NRCAM: variants seen among roughly 807,000 people sequenced by gnomAD.
NRCAM encodes NgCAM-related cell adhesion molecule.
Under a neutral mutation model 156.5 loss-of-function variants are expected in NRCAM, and 83 were observed. The ratio of observed to expected loss-of-function variants is 0.53; its 90% confidence interval spans 0.44 to 0.64. The LOEUF is 0.64. NRCAM is among the 30% of genes least tolerant of loss of function. The pLI is 0.00. For synonymous variants in NRCAM, 538 were observed against 563.9 expected, an observed-to-expected ratio of 0.95 and a Z score of 0.65; for missense variants, 1,417 against 1,597.3, an observed-to-expected ratio of 0.89 and a Z score of 1.92.
chr7:108,342,501 A>G (rs1563345675), intron 2 of NRCAM, among the ~76,000 whole-genome samples: 1 of 152,190 alleles, frequency 6.6e-6, no homozygotes, highest in Non-Finnish European at 1.5e-5. Context: ...AAACTCAGAA[A>G]GCCAATACCC....
chr7:108,375,706 G>T (rs1023885841), intron 2 of NRCAM, among the ~76,000 whole-genome samples: 3 of 152,084 alleles, frequency 2.0e-5, no homozygotes, highest in Admixed American at 6.6e-5. Flanking sequence ...GCAAGTATAC[G>T]GAAATTAGTT....
chr7:108,214,193 C>T (rs1051808747), intron 11 of NRCAM, among the ~76,000 whole-genome samples: 1 of 152,178 alleles, frequency 6.6e-6, no homozygotes, highest in Non-Finnish European at 1.5e-5. Flanking sequence ...TTTTGTACCT[C>T]TGGTAGAATT....
chr7:108,385,515 C>T (rs541987481), intron 2 of NRCAM, among the ~76,000 whole-genome samples: 5 of 152,320 alleles, frequency 3.3e-5, no homozygotes, highest in South Asian at 2.1e-4. Context: ...AAGGCTGACG[C>T]TGAGCAAAAT....
intron 22 of NRCAM, among the ~76,000 whole-genome samples, chr7:108,183,389 T>C (rs941067404): frequency 1.8e-5 from 2 of 111,484 alleles, no homozygotes; most frequent in Admixed American, 1.1e-4. Context: ...TATGTATACA[T>C]GTCTAAGTAT....
chr7:108,236,527 T>C (rs1222601472), intron 5 of NRCAM, among the ~76,000 whole-genome samples: 2 of 152,120 alleles, frequency 1.3e-5, no homozygotes, highest in Non-Finnish European at 2.9e-5. Flanking sequence ...AGCTGTGAGA[T>C]TTCAAGCCAA....
At chr7:108,299,534 T>C (rs1011601636) in intron 3 of NRCAM, among the ~76,000 whole-genome samples, 2 of 152,110 alleles carry the variant, frequency 1.3e-5, no homozygotes, top group Admixed American at 6.5e-5. Flanking sequence ...TATTATATTG[T>C]TTGGTCTGGA....
chr7:108,419,678 C>T (rs1404102421), intron 1 of NRCAM, among the ~76,000 whole-genome samples: 1 of 152,208 alleles, frequency 6.6e-6, no homozygotes, highest in Non-Finnish European at 1.5e-5. Flanking sequence ...TACATGTCTC[C>T]ACTTTCGTGT....
intron 1 of NRCAM, among the ~76,000 whole-genome samples, chr7:108,444,923 C>G (rs1563840434): frequency 6.6e-6 from 1 of 152,192 alleles, no homozygotes; most frequent in Non-Finnish European, 1.5e-5. Flanking sequence ...TAATCTCCAT[C>G]TCTTCACTGA....
chr7:108,391,401 C>CT (rs1554596120), intron 2 of NRCAM, among the ~76,000 whole-genome samples: 16 of 151,480 alleles, frequency 1.1e-4, no homozygotes, highest in South Asian at 1.0e-3. Context: ...GCAACCCCTG[C>CT]TTTTTTTTTG....
At chr7:108,204,948 T>C (rs1323434589) in intron 13 of NRCAM, among the ~76,000 whole-genome samples, 1 of 152,138 alleles carries the variant, frequency 6.6e-6, no homozygotes, top group Admixed American at 6.5e-5. Flanking sequence ...CCCACAAAAA[T>C]GTAATTTAAA....
chr7:108,262,282 C>G (rs2096915340), intron 3 of NRCAM, among the ~76,000 whole-genome samples: 1 of 152,106 alleles, frequency 6.6e-6, no homozygotes, highest in South Asian at 2.1e-4. Flanking sequence ...ATGCACCCAC[C>G]ACCTCCCCGA....
At chr7:108,401,630 G>A (rs548224223) in intron 1 of NRCAM, among the ~76,000 whole-genome samples, 6 of 152,044 alleles carry the variant, frequency 3.9e-5, no homozygotes, top group African/African-American at 7.2e-5. Context: ...AAGTGCTTTC[G>A]TTCTCACAAG....
At chr7:108,412,489 T>C (rs1029783111) in intron 1 of NRCAM, among the ~76,000 whole-genome samples, 8 of 152,316 alleles carry the variant, frequency 5.3e-5, no homozygotes, top group African/African-American at 1.4e-4. Flanking sequence ...TATATATGCA[T>C]TGTGGCATGG....
At chr7:108,353,052 TA>T (rs58322692) in intron 2 of NRCAM, among the ~76,000 whole-genome samples, 1,824 of 143,578 alleles carry the variant, frequency 0.013, 16 homozygotes, top group African/African-American at 0.033. Context: ...GTGCTCATTG[TA>T]AAAAAAAAAA....
chr7:108,348,073 G>GT (rs1463832299), intron 2 of NRCAM, among the ~76,000 whole-genome samples: 9 of 152,170 alleles, frequency 5.9e-5, no homozygotes, highest in Non-Finnish European at 1.2e-4. Context: ...AAATACGCAG[G>GT]TAAGAAGTAG....
chr7:108,243,966 T>A (rs190536195), intron 3 of NRCAM, among the ~76,000 whole-genome samples: 1 of 152,336 alleles, frequency 6.6e-6, no homozygotes, highest in East Asian at 1.9e-4. Flanking sequence ...TCCCCTGCAT[T>A]ACTTACTATG....
intron 2 of NRCAM, among the ~76,000 whole-genome samples, chr7:108,365,370 C>T (rs1366180378): frequency 6.6e-6 from 1 of 152,000 alleles, no homozygotes; most frequent in Non-Finnish European, 1.5e-5. Flanking sequence ...CTATTTACTC[C>T]ATAAAATTAT....
At chr7:108,413,594 T>C (rs1314702078) in intron 1 of NRCAM, among the ~76,000 whole-genome samples, 2 of 152,196 alleles carry the variant, frequency 1.3e-5, no homozygotes, top group Non-Finnish European at 2.9e-5. Context: ...TTATTCTTCC[T>C]TTACTCTGAT....
At chr7:108,195,999 A>G in intron 14 of NRCAM, 127 bp from the exon 15 acceptor site, 3 of 676,028 alleles carry the variant, frequency 4.4e-6, no homozygotes, top group Non-Finnish European at 8.0e-6. Context: ...CTCTCTCCTT[A>G]TGTTCTCTAT....
Sources: allele counts gnomAD v4.1 joint callset (sites outside exome capture counted in the v4.1 genomes callset), GRCh38; gene constraint gnomAD v4.1.1; transcripts MANE v1.5; gene names NCBI Gene and HGNC (gene_info 2026-07-23, HGNC 2026-07-21).